Variants in HIVEP3 observed in about 807,000 individuals in gnomAD.
HIVEP3 encodes the protein HIVEP zinc finger 3.
HIVEP3 carries 49 observed loss-of-function variants against 152.8 expected under a neutral mutation model. That is an observed-to-expected ratio of 0.32 (90% CI 0.26 to 0.41). The LOEUF (loss-of-function observed/expected upper bound fraction) is 0.41, where lower values mean the gene tolerates loss of function less well. Ranked by LOEUF, HIVEP3 falls within the 10% of genes least tolerant of loss-of-function variation. The pLI is 1.00. For missense variants in HIVEP3, 2,790 were observed against 3,103.3 expected, an observed-to-expected ratio of 0.90 and a Z score of 2.40; for synonymous variants, 1,269 against 1,289.0, an observed-to-expected ratio of 0.98 and a Z score of 0.33.
At chr1:41,635,149 A>T (rs946099238) in intron 2 of HIVEP3, among the ~76,000 whole-genome samples, 1 of 152,224 alleles carries the variant, frequency 6.6e-6, no homozygotes, top group African/African-American at 2.4e-5. Flanking sequence ...AAATAAAAAT[A>T]CATAAACAAA....
chr1:41,627,868 C>T (rs537979603), intron 3 of HIVEP3, among the ~76,000 whole-genome samples: 49 of 152,172 alleles, frequency 3.2e-4, no homozygotes, highest in African/African-American at 1.2e-3. Context: ...AGAGAACTCC[C>T]TCCCTCCGTC....
chr1:41,690,125 A>C (rs1283830218), intron 2 of HIVEP3, among the ~76,000 whole-genome samples: 1 of 152,236 alleles, frequency 6.6e-6, no homozygotes, highest in Non-Finnish European at 1.5e-5. Context: ...CTGGGAAAAA[A>C]TGGTTTCTGA....
chr1:41,734,903 G>T (rs1438591852), intron 1 of HIVEP3, among the ~76,000 whole-genome samples: 1 of 152,156 alleles, frequency 6.6e-6, no homozygotes, highest in Non-Finnish European at 1.5e-5. Context: ...GAGGAATTGG[G>T]TTTTGCAGTG....
intron 1 of HIVEP3, among the ~76,000 whole-genome samples, chr1:41,946,139 T>C (rs1172022444): frequency 6.6e-6 from 1 of 152,214 alleles, no homozygotes; most frequent in African/African-American, 2.4e-5. Context: ...TTGCTTCCAG[T>C]GCAGTCTACA....
At chr1:41,752,890 T>C (rs1439125601) in intron 1 of HIVEP3, among the ~76,000 whole-genome samples, 1 of 152,228 alleles carries the variant, frequency 6.6e-6, no homozygotes, top group African/African-American at 2.4e-5. Context: ...CAGTGCTCAC[T>C]TTACAAAGTG....
intron 1 of HIVEP3, among the ~76,000 whole-genome samples, chr1:41,771,650 G>C (rs189668163): frequency 1.3e-5 from 2 of 152,014 alleles, no homozygotes; most frequent in Non-Finnish European, 2.9e-5. Flanking sequence ...CAGTACTCTC[G>C]GGGCTTGGCA....
chr1:41,539,466 C>T (rs1371152764), intron 5 of HIVEP3, among the ~76,000 whole-genome samples: 2 of 152,226 alleles, frequency 1.3e-5, no homozygotes, highest in African/African-American at 4.8e-5. Context: ...CCCAGAATGG[C>T]CCAGAGCACA....
chr1:41,983,384 G>A (rs1170016364), intron 1 of HIVEP3, among the ~76,000 whole-genome samples: 2 of 152,052 alleles, frequency 1.3e-5, no homozygotes, highest in African/African-American at 4.8e-5. Context: ...ATAAAGTAAG[G>A]AACATACTCA....
intron 1 of HIVEP3, among the ~76,000 whole-genome samples, chr1:41,862,777 G>T (rs1387752999): frequency 1.3e-5 from 2 of 152,166 alleles, no homozygotes; most frequent in Non-Finnish European, 2.9e-5. Flanking sequence ...TTAGGAGTCA[G>T]GCAAGGGAAT....
intron 1 of HIVEP3, among the ~76,000 whole-genome samples, chr1:41,757,695 G>GTATTTATTTATGTATTTATT (rs1647404931): frequency 6.9e-6 from 1 of 145,152 alleles, no homozygotes; most frequent in South Asian, 2.2e-4. Flanking sequence ...TTTCTACTTT[G>GTATTTATTTATGTATTTATT]TATTTATTTA....
chr1:41,731,720 G>A (rs1646842937), intron 1 of HIVEP3, among the ~76,000 whole-genome samples: 1 of 152,210 alleles, frequency 6.6e-6, no homozygotes, highest in Admixed American at 6.5e-5. Context: ...GAGCCATCTG[G>A]AAAGGGAGTC....
intron 2 of HIVEP3, among the ~76,000 whole-genome samples, chr1:41,682,873 T>G (rs1287992147): frequency 1.3e-5 from 2 of 152,050 alleles, no homozygotes; most frequent in Non-Finnish European, 2.9e-5. Context: ...CGTACAGACA[T>G]GGACCAAAAG....
intron 1 of HIVEP3, among the ~76,000 whole-genome samples, chr1:41,877,642 T>C (rs1360649815): frequency 1.4e-5 from 2 of 147,126 alleles, no homozygotes; most frequent in African/African-American, 5.0e-5. Context: ...TACCTATCAG[T>C]TGTGAAAGGT....
At chr1:41,953,693 A>G (rs545296665) in intron 1 of HIVEP3, among the ~76,000 whole-genome samples, 1 of 152,258 alleles carries the variant, frequency 6.6e-6, no homozygotes, top group Non-Finnish European at 1.5e-5. Flanking sequence ...TTCCCGACAT[A>G]CTCTCTTGCT....
At chr1:41,937,052 T>C (rs1232840985) in intron 1 of HIVEP3, among the ~76,000 whole-genome samples, 1 of 152,152 alleles carries the variant, frequency 6.6e-6, no homozygotes, top group East Asian at 1.9e-4. Context: ...CTGAAATTTA[T>C]AAAACAGAAA....
intron 2 of HIVEP3, among the ~76,000 whole-genome samples, chr1:41,700,232 C>G (rs1228990634): frequency 6.6e-6 from 1 of 152,184 alleles, no homozygotes; most frequent in Non-Finnish European, 1.5e-5. Context: ...TTGTTCATCT[C>G]TGTGCCTCAG....
At chr1:41,928,387 A>G (rs1258800492) in intron 1 of HIVEP3, among the ~76,000 whole-genome samples, 2 of 152,156 alleles carry the variant, frequency 1.3e-5, no homozygotes, top group Non-Finnish European at 2.9e-5. Context: ...AAATAATTTT[A>G]GACTTATAGA....
intron 1 of HIVEP3, among the ~76,000 whole-genome samples, chr1:41,951,638 G>A (rs185793293): frequency 9.2e-5 from 14 of 152,262 alleles, no homozygotes; most frequent in Admixed American, 2.6e-4. Context: ...CAATTGACTC[G>A]CAGTTCCACG....
intron 1 of HIVEP3, among the ~76,000 whole-genome samples, chr1:42,021,376 T>TC (rs1196965691): frequency 6.6e-6 from 1 of 152,068 alleles, no homozygotes; most frequent in African/African-American, 2.4e-5. Context: ...AAGAAAAGAC[T>TC]CAAGGGTAAC....
Sources: gnomAD v4.1 joint callset for allele counts (sites outside exome capture counted in the v4.1 genomes callset) on GRCh38, gnomAD v4.1.1 for gene constraint, MANE v1.5 for transcripts, NCBI Gene and HGNC (gene_info 2026-07-23, HGNC 2026-07-21) for gene names.